The following TENM3 variants were observed in gnomAD, a reference collection of about 807,000 sequenced individuals.
TENM3 encodes teneurin transmembrane protein 3, also known as teneurin-3.
A neutral mutation model predicts 255.1 loss-of-function variants in TENM3; 63 were observed. That is an observed-to-expected ratio of 0.25 (90% CI 0.20 to 0.30). TENM3 has a LOEUF of 0.30. Among genes scored for constraint, TENM3 ranks in the 10% least tolerant of loss-of-function variants. TENM3 has a pLI of 1.00. For missense variants in TENM3, 2,929 were observed against 3,461.1 expected, an observed-to-expected ratio of 0.85 and a Z score of 3.86; for synonymous variants, 1,306 against 1,322.3, an observed-to-expected ratio of 0.99 and a Z score of 0.27.
At chr4:182,171,202 C>T (rs2149694270) in intron 1 of TENM3, among the ~76,000 whole-genome samples, 1 of 152,252 alleles carries the variant, frequency 6.6e-6, no homozygotes, top group Non-Finnish European at 1.5e-5. Flanking sequence ...AGTAAATGTA[C>T]ATGAGCTTTT....
chr4:181,680,754 G>A, the TENM3 span, among the ~76,000 whole-genome samples: 1 of 152,028 alleles, frequency 6.6e-6, no homozygotes, highest in East Asian at 1.9e-4. Context: ...ATGAGATATT[G>A]CCATTACTCA....
chr4:181,712,888 TC>T, the TENM3 span, among the ~76,000 whole-genome samples: 1 of 152,226 alleles, frequency 6.6e-6, no homozygotes, highest in Non-Finnish European at 1.5e-5. Context: ...GGACTTCTTT[TC>T]TAATGTCACA....
At chr4:181,726,601 C>T in the TENM3 span, among the ~76,000 whole-genome samples, 1 of 152,098 alleles carries the variant, frequency 6.6e-6, no homozygotes, top group African/African-American at 2.4e-5. Context: ...GTTCTCACAC[C>T]ACAGCAATCA....
the TENM3 span, among the ~76,000 whole-genome samples, chr4:181,884,074 A>G: frequency 6.6e-6 from 1 of 152,106 alleles, no homozygotes; most frequent in East Asian, 1.9e-4. Flanking sequence ...CATTATTTAC[A>G]TGGAACTCTA....
the TENM3 span, among the ~76,000 whole-genome samples, chr4:181,993,574 C>T: frequency 6.6e-6 from 1 of 152,116 alleles, no homozygotes; most frequent in African/African-American, 2.4e-5. Context: ...TGTGACTCCT[C>T]AAAGCATTCA....
At chr4:182,161,278 T>C (rs1237801354) in intron 1 of TENM3, among the ~76,000 whole-genome samples, 5 of 137,772 alleles carry the variant, frequency 3.6e-5, no homozygotes, top group Admixed American at 7.4e-5. Flanking sequence ...TAGCCGGGCG[T>C]GGTGGCGGGC....
chr4:181,459,488 T>C, the TENM3 span, among the ~76,000 whole-genome samples: 1 of 151,934 alleles, frequency 6.6e-6, no homozygotes, highest in Admixed American at 6.6e-5. Context: ...GGTTTTCATA[T>C]TTAGATTTTT....
intron 1 of TENM3, among the ~76,000 whole-genome samples, chr4:182,259,058 T>C (rs1758617789): frequency 6.6e-6 from 1 of 152,200 alleles, no homozygotes; most frequent in Admixed American, 6.5e-5. Context: ...GCCAGTTATG[T>C]TTTCCACATT....
At chr4:182,419,541 A>G (rs1187031860) in intron 3 of TENM3, among the ~76,000 whole-genome samples, 1 of 152,220 alleles carries the variant, frequency 6.6e-6, no homozygotes, top group Admixed American at 6.5e-5. Context: ...AAGGACTATA[A>G]ATCATGCTGC....
chr4:182,584,812 T>G (rs1304975626), intron 3 of TENM3, among the ~76,000 whole-genome samples: 1 of 152,058 alleles, frequency 6.6e-6, no homozygotes, highest in Admixed American at 6.5e-5. Context: ...GCTAATTTTT[T>G]TGTATTTTTA....
At chr4:182,195,482 T>C (rs765242574) in intron 1 of TENM3, among the ~76,000 whole-genome samples, 7 of 151,778 alleles carry the variant, frequency 4.6e-5, no homozygotes, top group Admixed American at 1.3e-4. Flanking sequence ...CTACAAAAAA[T>C]AGAAAAAATT....
intron 1 of TENM3, among the ~76,000 whole-genome samples, chr4:182,246,013 C>G (rs1035606274): frequency 1.3e-5 from 2 of 152,136 alleles, no homozygotes; most frequent in African/African-American, 4.8e-5. Flanking sequence ...TGGTAGCACT[C>G]CCTGGCTCTG....
At chr4:182,185,315 T>G (rs1253312572) in intron 1 of TENM3, among the ~76,000 whole-genome samples, 1 of 152,216 alleles carries the variant, frequency 6.6e-6, no homozygotes, top group Non-Finnish European at 1.5e-5. Flanking sequence ...GAAGGCACCA[T>G]AGCATAAATA....
chr4:182,091,791 G>A, the TENM3 span, among the ~76,000 whole-genome samples: 25 of 152,136 alleles, frequency 1.6e-4, no homozygotes, highest in Non-Finnish European at 3.1e-4. Flanking sequence ...CCAATTTCAC[G>A]GGAGCGTGAG....
chr4:181,732,841 T>G, the TENM3 span, among the ~76,000 whole-genome samples: 3,492 of 152,258 alleles, frequency 0.023, 126 homozygotes, highest in African/African-American at 0.079. Flanking sequence ...ATGGAGCATT[T>G]TAAGAACCAC....
intron 3 of TENM3, among the ~76,000 whole-genome samples, chr4:182,531,253 A>G (rs1255701910): frequency 6.6e-6 from 1 of 152,222 alleles, no homozygotes; most frequent in African/African-American, 2.4e-5. Flanking sequence ...AAATAACTGA[A>G]ATTAATTTTA....
At chr4:181,660,553 A>T in the TENM3 span, among the ~76,000 whole-genome samples, 2 of 152,210 alleles carry the variant, frequency 1.3e-5, no homozygotes, top group African/African-American at 4.8e-5. Context: ...TTTATTAGCC[A>T]AGTTGATGCC....
intron 3 of TENM3, among the ~76,000 whole-genome samples, chr4:182,395,062 A>T (rs1768710435): frequency 6.6e-6 from 1 of 152,180 alleles, no homozygotes; most frequent in Non-Finnish European, 1.5e-5. Flanking sequence ...AGGGCTTTTC[A>T]TGCTTAGAAT....
the TENM3 span, among the ~76,000 whole-genome samples, chr4:181,841,085 A>T: frequency 6.6e-6 from 1 of 152,096 alleles, no homozygotes; most frequent in African/African-American, 2.4e-5. Context: ...TATAAGTAAG[A>T]CTAGAATTGG....
Sources: gnomAD v4.1 joint callset for allele counts (sites outside exome capture counted in the v4.1 genomes callset) on GRCh38, gnomAD v4.1.1 for gene constraint, MANE v1.5 for transcripts, NCBI Gene and HGNC (gene_info 2026-07-23, HGNC 2026-07-21) for gene names.